Variants in PDE1A observed in about 807,000 individuals in gnomAD.
The protein encoded by PDE1A is phosphodiesterase 1A.
A neutral mutation model predicts 61.7 loss-of-function variants in PDE1A; 35 were observed. The observed-to-expected ratio is 0.57, with a 90% CI of 0.43 to 0.75. The LOEUF (loss-of-function observed/expected upper bound fraction) is 0.75. Ranked by LOEUF, PDE1A falls within the 30% of genes least tolerant of loss-of-function variation. The pLI is 0.00. For synonymous variants in PDE1A, 232 were observed against 213.2 expected (o/e 1.09, Z -0.77); for missense variants, 597 against 630.6 (o/e 0.95, Z 0.57).
chr2:182,491,214 G>A (rs185295328), intron 2 of PDE1A, among the ~76,000 whole-genome samples: 122 of 152,308 alleles, frequency 8.0e-4, no homozygotes, highest in Non-Finnish European at 1.5e-3. Context: ...CAGTATAATA[G>A]TGTGTTTTTC....
At chr2:182,573,103 G>A in the PDE1A span, among the ~76,000 whole-genome samples, 1 of 152,008 alleles carries the variant, frequency 6.6e-6, no homozygotes, top group Non-Finnish European at 1.5e-5. Flanking sequence ...TGAGAAATGG[G>A]CTCTGCCTCG....
intron 1 of PDE1A, among the ~76,000 whole-genome samples, chr2:182,375,000 G>A (rs181239099): frequency 1.6e-3 from 249 of 152,298 alleles, no homozygotes; most frequent in Non-Finnish European, 3.1e-3. Flanking sequence ...AACAGATCTC[G>A]TGAGACTTAT....
At chr2:182,651,254 G>A in the PDE1A span, among the ~76,000 whole-genome samples, 10 of 152,212 alleles carry the variant, frequency 6.6e-5, no homozygotes, top group East Asian at 1.9e-4. Context: ...TGGTCCACCC[G>A]CCTTGGCCTC....
the PDE1A span, among the ~76,000 whole-genome samples, chr2:182,560,077 T>TTA: frequency 6.6e-6 from 1 of 151,276 alleles, no homozygotes; most frequent in Non-Finnish European, 1.5e-5. Context: ...TTTTTTTTTT[T>TTA]TATACTTTAA....
chr2:182,364,466 T>TA (rs201821721), intron 1 of PDE1A, among the ~76,000 whole-genome samples: 5,123 of 35,592 alleles, frequency 0.14, 1,261 homozygotes, highest in African/African-American at 0.19. Flanking sequence ...AACACTTTGG[T>TA]AAAAAAAAAA....
the PDE1A span, among the ~76,000 whole-genome samples, chr2:182,543,125 C>T: frequency 9.9e-5 from 15 of 152,146 alleles, no homozygotes; most frequent in African/African-American, 3.6e-4. Flanking sequence ...TCAGAGGAGA[C>T]CACTCAAATC....
the PDE1A span, among the ~76,000 whole-genome samples, chr2:182,650,124 A>G: frequency 6.6e-6 from 1 of 152,180 alleles, no homozygotes; most frequent in African/African-American, 2.4e-5. Context: ...GCCAGCAAAA[A>G]GATCCTAGAT....
chr2:182,464,953 A>C (rs982252246), intron 2 of PDE1A, among the ~76,000 whole-genome samples: 2 of 152,184 alleles, frequency 1.3e-5, no homozygotes, highest in African/African-American at 4.8e-5. Flanking sequence ...TTTTTGAATG[A>C]ATATTTAATT....
rs75219368 is a variant in PDE1A at position 182,415,022 on chromosome 2, A to G, written c.53+11556T>C. On this transcript the variant is annotated intron_variant, in intron 1 of 13. Coordinates refer to ENST00000351439, the Ensembl canonical transcript of PDE1A. ...TTTTCCATTTTTTAAGTAAGCACCA[A>G]TTTGGGATAGATTATTATTGAAGTA... 2.3e-3 allele frequency among the ~76,000 whole-genome samples: 349 copies of G among 152,238 alleles called. 2 individuals are homozygous for G. The highest frequency in any genetic ancestry group is 8.2e-3 in the African/African-American group (339 of 41,552).
At chr2:182,518,406 G>T (rs1451235579) in intron 2 of PDE1A, among the ~76,000 whole-genome samples, 2 of 151,968 alleles carry the variant, frequency 1.3e-5, no homozygotes, top group African/African-American at 2.4e-5. Flanking sequence ...TAAACATTTT[G>T]TCCTTCACTA....
At chr2:182,693,831 G>C in the PDE1A span, among the ~76,000 whole-genome samples, 2 of 151,996 alleles carry the variant, frequency 1.3e-5, no homozygotes, top group African/African-American at 4.8e-5. Flanking sequence ...ATTTTTAGTA[G>C]AGACAGCATT....
chr2:182,383,825 T>C (rs1186701055), intron 1 of PDE1A, among the ~76,000 whole-genome samples: 1 of 152,142 alleles, frequency 6.6e-6, no homozygotes, highest in Non-Finnish European at 1.5e-5. Context: ...TATTTCAGCA[T>C]GGAGAGAGAT....
chr2:182,577,990 A>AAGGGAGGG, the PDE1A span, among the ~76,000 whole-genome samples: 351 of 137,612 alleles, frequency 2.6e-3, 10 homozygotes, highest in African/African-American at 9.1e-3. Context: ...GGAAGGAAGG[A>AAGGGAGGG]AGGGACGGAG....
At chr2:182,663,728 G>A in the PDE1A span, among the ~76,000 whole-genome samples, 1 of 152,008 alleles carries the variant, frequency 6.6e-6, no homozygotes, top group South Asian at 2.1e-4. Context: ...TGAGTACCAG[G>A]CTTAGTACGT....
chr2:182,160,781 T>A (rs139700054), intron 13 of PDE1A, among the ~76,000 whole-genome samples: 3 of 152,294 alleles, frequency 2.0e-5, no homozygotes, highest in Non-Finnish European at 4.4e-5. Flanking sequence ...ATAAATTCCC[T>A]TTCATGTATA....
chr2:182,563,555 G>A, the PDE1A span, among the ~76,000 whole-genome samples: 3 of 152,174 alleles, frequency 2.0e-5, no homozygotes, highest in Non-Finnish European at 4.4e-5. Flanking sequence ...GGAGAGTTCT[G>A]TAGATGTCTA....
chr2:182,303,595 C>G (rs1241497075), intron 1 of PDE1A, among the ~76,000 whole-genome samples: 1 of 152,282 alleles, frequency 6.6e-6, no homozygotes, highest in African/African-American at 2.4e-5. Flanking sequence ...AGCATTGGCT[C>G]TAAGTTAAAG....
rs1019041400 is a variant in PDE1A, at chr2:182,426,887, G to A, written c.-257C>T. The A allele has an allele frequency of 5.5e-6, 7 of 1,268,322 alleles. No homozygotes were observed. The highest frequency in any genetic ancestry group is 3.1e-4 in the Middle Eastern group (1 of 3,240). The allele number at this position is 1,268,322 out of a possible 1,614,324, so 78.6% of individuals were successfully genotyped here. A position where few individuals can be genotyped will look rare whatever the true frequency, so the allele number is the denominator to read the frequency against. ...GTGTGCAAAAACCACCAAGAGTCAC[G>A]TTGATCCAGGCAAGAGAAGTGCACG... is the stretch of plus-strand genomic sequence containing the variant. On this transcript the variant is annotated 5_prime_UTR_variant, in exon 1 of 14. In the 5' UTR this introduces an upstream ATG that the reference lacks. Transcript: ENST00000351439.
intron 10 of PDE1A, among the ~76,000 whole-genome samples, chr2:182,191,702 T>G (rs1685702027): frequency 1.1e-4 from 1 of 8,980 alleles, no homozygotes; most frequent in Admixed American, 1.3e-3. Flanking sequence ...TATATTTAAC[T>G]TTTTTTTTTT....
Sources: gnomAD v4.1 joint callset for allele counts (sites outside exome capture counted in the v4.1 genomes callset) on GRCh38, gnomAD v4.1.1 for gene constraint, MANE v1.5 for transcripts, NCBI Gene and HGNC (gene_info 2026-07-23, HGNC 2026-07-21) for gene names.